IMMP2L: variants seen among roughly 807,000 people sequenced by gnomAD.
IMMP2L encodes mitochondrial inner membrane protease subunit 2.
A neutral mutation model predicts 19.3 loss-of-function variants in IMMP2L; 18 were observed. The observed-to-expected ratio is 0.93, with a 90% CI of 0.64 to 1.38. The LOEUF is 1.38. Ranked by LOEUF, IMMP2L falls within the 40% of genes most tolerant of loss-of-function variation. The probability of loss-of-function intolerance (pLI) is 0.00; values close to 1 mark genes in which losing one functional copy is unlikely to be tolerated. For synonymous variants in IMMP2L, 76 were observed against 73.0 expected, an observed-to-expected ratio of 1.04 and a Z score of -0.21; for missense variants, 233 against 218.2, an observed-to-expected ratio of 1.07 and a Z score of -0.43.
chr7:111,038,713 A>G (rs1182565001), intron 3 of IMMP2L, among the ~76,000 whole-genome samples: 2 of 152,216 alleles, frequency 1.3e-5, no homozygotes, highest in Non-Finnish European at 2.9e-5. Context: ...TCTATGGAGA[A>G]GAGTACCATT....
chr7:111,075,684 G>C (rs1175369545), intron 3 of IMMP2L, among the ~76,000 whole-genome samples: 1 of 151,776 alleles, frequency 6.6e-6, no homozygotes, highest in African/African-American at 2.4e-5. Flanking sequence ...TTAGATAATA[G>C]AGTGCCCGAG....
At chr7:111,489,782 C>A (rs770157001) in intron 2 of IMMP2L, among the ~76,000 whole-genome samples, 1 of 152,098 alleles carries the variant, frequency 6.6e-6, no homozygotes, top group Non-Finnish European at 1.5e-5. Flanking sequence ...ACCTAAATCC[C>A]TAACTTAAAT....
Position 111,508,440 on chromosome 7 carries a change from T to C in IMMP2L, c.135+12873A>G, listed in dbSNP as rs150060012. ...TGGTCTTTCTACTCCTTAGCTCAGG[T>C]AGGTCCGAGTTCTTGTCGCACAACC... On this transcript the variant is annotated intron_variant, in intron 2 of 5. Coordinates refer to ENST00000405709, the MANE Select transcript of IMMP2L (RefSeq NM_032549.4). Among the ~76,000 whole-genome samples, 40 of 152,260 alleles carry C rather than the reference T, an allele frequency of 2.6e-4. No homozygotes were observed. In the East Asian group the frequency reaches 6.9e-3, roughly 26 times the overall value.
intron 3 of IMMP2L, among the ~76,000 whole-genome samples, chr7:111,197,345 C>T (rs973446788): frequency 6.6e-6 from 1 of 152,008 alleles, no homozygotes; most frequent in Admixed American, 6.5e-5. Context: ...CGCCTGTAGT[C>T]CCAGCTACTC....
intron 3 of IMMP2L, chr7:111,124,161 A>C: frequency 6.2e-7 from 1 of 1,613,396 alleles, no homozygotes; most frequent in Non-Finnish European, 8.5e-7. Context: ...CTGGTCAAAA[A>C]CTCTTGCCTA....
rs1369249966 is a variant in IMMP2L at position 110,870,778 on chromosome 7, A to C, written c.408+15815T>G. The stretch of plus-strand genomic sequence containing the variant: ...AAGGGAAGAGATGGAGAGGCCATAC[A>C]ATGTGAGGGCCCTAAAGGCCATGGT... On this transcript the variant is annotated intron_variant, in intron 5 of 5. Coordinates refer to ENST00000405709, the MANE Select transcript of IMMP2L (RefSeq NM_032549.4). This position sits in a 1 kb window ranked among gnomAD's most constrained non-coding sequence, Gnocchi z 4.2. 2.0e-5 allele frequency among the ~76,000 whole-genome samples: 3 copies of C among 152,186 alleles called. No individual in the cohort carries two copies. The East Asian group carries it at 5.8e-4, about 29-fold the overall frequency.
intron 5 of IMMP2L, among the ~76,000 whole-genome samples, chr7:110,741,058 T>C (rs1469125264): frequency 6.6e-6 from 1 of 152,184 alleles, no homozygotes; most frequent in Non-Finnish European, 1.5e-5. Flanking sequence ...CAGCACAATT[T>C]GCAGTTGCAA....
At chr7:110,916,740 T>C (rs1191732767) in intron 4 of IMMP2L, among the ~76,000 whole-genome samples, 1 of 152,240 alleles carries the variant, frequency 6.6e-6, no homozygotes, top group African/African-American at 2.4e-5. Context: ...GCTAATTTTA[T>C]ATTTCATAGT....
chr7:110,935,892 C>T (rs1182341649), intron 4 of IMMP2L, among the ~76,000 whole-genome samples: 4 of 152,020 alleles, frequency 2.6e-5, no homozygotes, highest in African/African-American at 9.7e-5. Context: ...AGAAATAATG[C>T]CACACATCTA....
chr7:111,452,986 A>C (rs954725857), intron 3 of IMMP2L, among the ~76,000 whole-genome samples: 1 of 152,190 alleles, frequency 6.6e-6, no homozygotes, highest in Non-Finnish European at 1.5e-5. Flanking sequence ...TCTGACACAT[A>C]GTAGGAGCTC....
At chr7:110,873,501 C>T (rs1052010204) in intron 5 of IMMP2L, among the ~76,000 whole-genome samples, 6 of 147,794 alleles carry the variant, frequency 4.1e-5, no homozygotes, top group Admixed American at 2.7e-4. Context: ...TGGTGGCTCA[C>T]GCCTTTAATC....
At chr7:110,980,227 CTTTTT>C (rs1218434499) in intron 3 of IMMP2L, among the ~76,000 whole-genome samples, 11 of 91,898 alleles carry the variant, frequency 1.2e-4, no homozygotes, top group African/African-American at 4.7e-4. Flanking sequence ...TGTGCTGCTT[CTTTTT>C]TTTTTTTTTT....
chr7:111,453,453 T>C (rs1296269383), intron 3 of IMMP2L, among the ~76,000 whole-genome samples: 1 of 152,152 alleles, frequency 6.6e-6, no homozygotes, highest in East Asian at 1.9e-4. Flanking sequence ...GAGAGACGCA[T>C]TTGTGAAGCT....
At chr7:111,164,852 G>A (rs1311546056) in intron 3 of IMMP2L, among the ~76,000 whole-genome samples, 1 of 151,952 alleles carries the variant, frequency 6.6e-6, no homozygotes, top group Non-Finnish European at 1.5e-5. Flanking sequence ...GTTATTTATT[G>A]TTTTGGGTGT....
chr7:110,978,195 T>C (rs1820898535), intron 3 of IMMP2L, among the ~76,000 whole-genome samples: 1 of 152,010 alleles, frequency 6.6e-6, no homozygotes, highest in African/African-American at 2.4e-5. Context: ...CACTACTTAG[T>C]CTCATATTCA....
chr7:111,450,491 A>G (rs1839023653), intron 3 of IMMP2L, among the ~76,000 whole-genome samples: 1 of 151,776 alleles, frequency 6.6e-6, no homozygotes. Context: ...GGTGCTGGGA[A>G]AACTGGCTAG....
chr7:110,924,924 GA>G lies in IMMP2L; in HGVS notation c.306-38230del, dbSNP rs1414534450. The stretch of plus-strand genomic sequence containing the variant: ...CAAAAAAGGTTATTTTCTGTTAAGA[GA>G]AAGATAACAAAAGGAGCTATTAAAA... On this transcript the variant is annotated intron_variant, in intron 4 of 5. Transcript: ENST00000405709. This position sits in a 1 kb window ranked among gnomAD's most constrained non-coding sequence, Gnocchi z 4.2. 6.6e-6 allele frequency among the ~76,000 whole-genome samples: 1 copy of G among 152,100 alleles called. No homozygotes were observed.
intron 1 of IMMP2L, among the ~76,000 whole-genome samples, chr7:111,551,673 G>T (rs1849478089): frequency 2.0e-5 from 3 of 151,928 alleles, no homozygotes; most frequent in South Asian, 4.2e-4. Flanking sequence ...AGATGGTTCT[G>T]GCAGGATCCA....
chr7:111,444,944 G>A (rs1414297737), intron 3 of IMMP2L, among the ~76,000 whole-genome samples: 1 of 151,904 alleles, frequency 6.6e-6, no homozygotes, highest in East Asian at 1.9e-4. Flanking sequence ...TTAGACTTAC[G>A]TTTTTCTTGT....
Sources: gnomAD v4.1 joint callset for allele counts (sites outside exome capture counted in the v4.1 genomes callset) on GRCh38, gnomAD v4.1.1 for gene constraint, Gnocchi (gnomAD v3.1) non-coding constraint, MANE v1.5 for transcripts, NCBI Gene and HGNC (gene_info 2026-07-23, HGNC 2026-07-21) for gene names.